The following PTPRD variants were observed in gnomAD, a reference collection of about 807,000 sequenced individuals.
The protein encoded by PTPRD is receptor-type tyrosine-protein phosphatase delta.
Under a neutral mutation model 214.5 loss-of-function variants are expected in PTPRD, and 34 were observed. That is an observed-to-expected ratio of 0.16 (90% CI 0.12 to 0.21). The LOEUF (loss-of-function observed/expected upper bound fraction) is 0.21. Ranked by LOEUF, PTPRD falls within the 10% of genes least tolerant of loss-of-function variation. PTPRD has a pLI of 1.00. For synonymous variants in PTPRD, 1,128 were observed against 845.7 expected, an observed-to-expected ratio of 1.33 and a Z score of -5.79; for missense variants, 2,545 against 2,398.7, an observed-to-expected ratio of 1.06 and a Z score of -1.27.
At chr9:9,881,948 C>T (rs1182067336) in intron 5 of PTPRD, among the ~76,000 whole-genome samples, 2 of 152,070 alleles carry the variant, frequency 1.3e-5, no homozygotes, top group African/African-American at 2.4e-5. Flanking sequence ...CCAGGCAACA[C>T]CCTGGGCCTG....
intron 39 of PTPRD, among the ~76,000 whole-genome samples, chr9:8,369,577 T>G (rs903206444): frequency 6.6e-6 from 1 of 151,626 alleles, no homozygotes; most frequent in Non-Finnish European, 1.5e-5. Flanking sequence ...TCTATGATTG[T>G]GATAGATTTA....
chr9:10,553,183 C>A (rs999108970), intron 2 of PTPRD, among the ~76,000 whole-genome samples: 1 of 152,136 alleles, frequency 6.6e-6, no homozygotes, highest in African/African-American at 2.4e-5. Flanking sequence ...GGATACAGCA[C>A]AGTCCCCACC....
chr9:9,033,417 T>G (rs780887154), intron 10 of PTPRD, among the ~76,000 whole-genome samples: 1 of 152,096 alleles, frequency 6.6e-6, no homozygotes, highest in Non-Finnish European at 1.5e-5. Context: ...ACTCAGAGCT[T>G]TCCAATCATT....
intron 8 of PTPRD, among the ~76,000 whole-genome samples, chr9:9,516,233 T>TCTAAATCAATGCATACTCA (rs141279181): frequency 0.32 from 49,174 of 151,624 alleles, 8,497 homozygotes; most frequent in Non-Finnish European, 0.38. Context: ...CTACAGTCCA[T>TCTAAATCAATGCATACTCA]CTAAATCTAT....
intron 4 of PTPRD, among the ~76,000 whole-genome samples, chr9:9,995,398 C>T (rs980152417): frequency 2.0e-5 from 3 of 152,128 alleles, no homozygotes; most frequent in African/African-American, 7.2e-5. Context: ...CTTTGTCATG[C>T]TAATTCATGA....
intron 36 of PTPRD, among the ~76,000 whole-genome samples, chr9:8,399,297 GA>G (rs1243444407): frequency 6.6e-6 from 1 of 152,158 alleles, no homozygotes; most frequent in Non-Finnish European, 1.5e-5. Context: ...CTAAACTGGA[GA>G]ATGGGCTTGC....
rs552794509 is a variant in PTPRD, at chr9:10,191,550, T to C, written c.-545+149413A>G. ...TATATTCCTGCAACACATTCCAAAC[T>C]TTAGTTTTCTAAAAATGGAAAACCA... On this transcript the variant is annotated intron_variant, in intron 3 of 45. Coordinates refer to ENST00000381196, the MANE Select transcript of PTPRD (RefSeq NM_002839.4). Among the ~76,000 whole-genome samples the C allele has an allele frequency of 2.0e-5, 3 of 152,288 alleles. No individual in the cohort carries two copies. The South Asian group carries it at 6.2e-4, about 32-fold the overall frequency.
At chr9:9,864,255 G>C (rs1426767961) in intron 5 of PTPRD, among the ~76,000 whole-genome samples, 1 of 151,924 alleles carries the variant, frequency 6.6e-6, no homozygotes, top group Non-Finnish European at 1.5e-5. Context: ...GCAGTGAGCC[G>C]AGATCGCGCC....
chr9:8,480,465 A>G (rs192164114), intron 30 of PTPRD, among the ~76,000 whole-genome samples: 1 of 152,192 alleles, frequency 6.6e-6, no homozygotes, highest in Non-Finnish European at 1.5e-5. Context: ...TTGCTTGTCC[A>G]AATTGCCCAA....
chr9:8,924,497 C>G (rs903517401), intron 11 of PTPRD, among the ~76,000 whole-genome samples: 1 of 152,046 alleles, frequency 6.6e-6, no homozygotes, highest in Admixed American at 6.6e-5. Flanking sequence ...TTTGGGGAGG[C>G]AAATATTCTT....
chr9:10,118,961 A>G (rs35759728), intron 3 of PTPRD, among the ~76,000 whole-genome samples: 205 of 151,910 alleles, frequency 1.3e-3, no homozygotes, highest in African/African-American at 3.4e-3. Context: ...TAGAATAAAA[A>G]CAGCAGCTGT....
chr9:9,457,683 T>C (rs753169953), intron 8 of PTPRD, among the ~76,000 whole-genome samples: 3 of 152,074 alleles, frequency 2.0e-5, no homozygotes, highest in Non-Finnish European at 4.4e-5. Flanking sequence ...ATGTTACATA[T>C]ATTTAACTCT....
At chr9:8,442,319 ATTTATCAAACACTTGC>A (rs1189168387) in intron 34 of PTPRD, among the ~76,000 whole-genome samples, 1 of 151,870 alleles carries the variant, frequency 6.6e-6, no homozygotes, top group Non-Finnish European at 1.5e-5. Flanking sequence ...ATAGAAAAAT[ATTTATCAAACACTTGC>A]TCTATTTTCA....
chr9:8,964,290 TTG>T (rs1021288813), intron 11 of PTPRD, among the ~76,000 whole-genome samples: 4 of 145,716 alleles, frequency 2.7e-5, no homozygotes, highest in African/African-American at 7.6e-5. Flanking sequence ...TCTTGGGAGA[TTG>T]TGTGTTTCCA....
chr9:9,224,741 T>C (rs1056190794), intron 9 of PTPRD, among the ~76,000 whole-genome samples: 2 of 151,938 alleles, frequency 1.3e-5, no homozygotes, highest in African/African-American at 4.8e-5. Context: ...ACTGCTTTAC[T>C]ATCTTTTCTG....
chr9:8,700,517 T>C (rs1289073425), intron 12 of PTPRD: 9 of 152,236 alleles, frequency 5.9e-5, no homozygotes, highest in Non-Finnish European at 1.3e-4. Context: ...TGATGTGCTT[T>C]TATTATTTCT....
chr9:10,434,130 A>G (rs1024715348), intron 2 of PTPRD, among the ~76,000 whole-genome samples: 7 of 151,930 alleles, frequency 4.6e-5, no homozygotes, highest in African/African-American at 1.4e-4. Context: ...GTCTGCAATG[A>G]TGGGAGAATG....
At chr9:8,573,460 A>T (rs2091667210) in intron 14 of PTPRD, among the ~76,000 whole-genome samples, 1 of 151,964 alleles carries the variant, frequency 6.6e-6, no homozygotes. Context: ...GGATCATCTC[A>T]AACAATACTG....
At chr9:8,512,703 G>A (rs1202855381) in intron 21 of PTPRD, among the ~76,000 whole-genome samples, 1 of 151,848 alleles carries the variant, frequency 6.6e-6, no homozygotes, top group African/African-American at 2.4e-5. Context: ...ACTGTTAAAG[G>A]TATATCCATA....
Sources: gnomAD v4.1 joint callset for allele counts (sites outside exome capture counted in the v4.1 genomes callset) on GRCh38, gnomAD v4.1.1 for gene constraint, MANE v1.5 for transcripts, NCBI Gene and HGNC (gene_info 2026-07-23, HGNC 2026-07-21) for gene names.